COP1: variants seen among roughly 807,000 people sequenced by gnomAD.
COP1 encodes E3 ubiquitin-protein ligase COP1.
Under a neutral mutation model 101.3 loss-of-function variants are expected in COP1, and 24 were observed. The observed-to-expected ratio is 0.24, with a 90% confidence interval of 0.17 to 0.33. The LOEUF (loss-of-function observed/expected upper bound fraction) is 0.33. COP1 is among the 10% of genes least tolerant of loss of function. The pLI is 1.00. For missense variants in COP1, 663 were observed against 906.2 expected (o/e 0.73, Z 3.45); for synonymous variants, 347 against 341.9 (o/e 1.01, Z -0.17).
chr1:175,983,775 A>T (rs892163255), intron 18 of COP1, among the ~76,000 whole-genome samples: 1 of 152,184 alleles, frequency 6.6e-6, no homozygotes, highest in African/African-American at 2.4e-5. Context: ...TCAGATGGAG[A>T]TGAGGAACTT....
At chr1:176,147,405 A>C (rs572520312) in intron 6 of COP1, among the ~76,000 whole-genome samples, 1 of 152,326 alleles carries the variant, frequency 6.6e-6, no homozygotes, top group East Asian at 1.9e-4. Context: ...GCTCCTCAGA[A>C]TTTCTTGTGT....
chr1:176,044,630 A>G (rs1393656342), intron 12 of COP1, among the ~76,000 whole-genome samples: 1 of 152,182 alleles, frequency 6.6e-6, no homozygotes, highest in East Asian at 1.9e-4. Context: ...CAATTAAGAG[A>G]CACATTTTGA....
At chr1:176,099,053 TTGTTA>T (rs1357478079) in intron 9 of COP1, among the ~76,000 whole-genome samples, 2 of 152,192 alleles carry the variant, frequency 1.3e-5, no homozygotes, top group Non-Finnish European at 1.5e-5. Context: ...ATAATTAAGG[TTGTTA>T]TGTTAAGTTA....
At chr1:176,098,982 T>C (rs1231382612) in intron 9 of COP1, among the ~76,000 whole-genome samples, 2 of 152,236 alleles carry the variant, frequency 1.3e-5, no homozygotes, top group Non-Finnish European at 2.9e-5. Flanking sequence ...ACTACTAATA[T>C]ATGTTTCAAA....
intron 11 of COP1, among the ~76,000 whole-genome samples, chr1:176,046,931 A>G (rs1157439650): frequency 6.6e-5 from 10 of 152,012 alleles, no homozygotes; most frequent in Non-Finnish European, 2.9e-5. Flanking sequence ...CACATTCCTC[A>G]TATCACAAAA....
intron 9 of COP1, among the ~76,000 whole-genome samples, chr1:176,092,163 G>GC (rs1197374289): frequency 6.6e-6 from 1 of 152,036 alleles, no homozygotes; most frequent in Non-Finnish European, 1.5e-5. Context: ...CTAGTGTTAT[G>GC]CAAGTAACAC....
chr1:176,094,840 A>G (rs927651889), intron 9 of COP1, among the ~76,000 whole-genome samples: 1 of 152,236 alleles, frequency 6.6e-6, no homozygotes, highest in African/African-American at 2.4e-5. Context: ...AATGCAATTA[A>G]CATGAAAACA....
At chr1:176,135,171 A>ATTCCCAGG in intron 7 of COP1, 85 bp from the exon 8 acceptor site, 3 of 887,860 alleles carry the variant, frequency 3.4e-6, no homozygotes, top group Non-Finnish European at 5.2e-6. Context: ...ATTCCTTTCT[A>ATTCCCAGG]TTCCCAGGTT....
At chr1:176,085,215 A>G (rs1572137817) in intron 10 of COP1, among the ~76,000 whole-genome samples, 2 of 151,632 alleles carry the variant, frequency 1.3e-5, no homozygotes, top group East Asian at 3.9e-4. Context: ...AAATCCCTAC[A>G]CTGATCATTC....
At chr1:175,989,889 C>A (rs941253096) in intron 15 of COP1, among the ~76,000 whole-genome samples, 1 of 152,096 alleles carries the variant, frequency 6.6e-6, no homozygotes, top group Non-Finnish European at 1.5e-5. Context: ...ATTTAACCAG[C>A]AGTTCAACTA....
chr1:176,104,003 G>A (rs1296472694), intron 9 of COP1, among the ~76,000 whole-genome samples: 1 of 152,070 alleles, frequency 6.6e-6, no homozygotes, highest in Non-Finnish European at 1.5e-5. Context: ...CTAAGATAGG[G>A]GAAGAAGAGA....
intron 1 of COP1, among the ~76,000 whole-genome samples, chr1:176,191,983 G>A (rs1302405754): frequency 6.6e-6 from 1 of 152,072 alleles, no homozygotes; most frequent in Admixed American, 6.6e-5. Flanking sequence ...CTATGTGCTA[G>A]CTTCAGGGTC....
At chr1:176,201,916 T>C (rs1442909443) in intron 1 of COP1, among the ~76,000 whole-genome samples, 1 of 152,240 alleles carries the variant, frequency 6.6e-6, no homozygotes, top group African/African-American at 2.4e-5. Flanking sequence ...TATAATAATA[T>C]AATAAATGCT....
intron 15 of COP1, among the ~76,000 whole-genome samples, chr1:176,014,510 G>A (rs910369052): frequency 6.6e-6 from 1 of 152,070 alleles, no homozygotes; most frequent in Admixed American, 6.6e-5. Flanking sequence ...CTGTAATTAC[G>A]ATTTCTTTAA....
intron 15 of COP1, chr1:176,018,352 A>G (rs559462964): frequency 2.0e-5 from 3 of 152,334 alleles, no homozygotes; most frequent in African/African-American, 7.2e-5. Context: ...TCTCAGTTAT[A>G]TTATGTACAT....
chr1:176,201,531 G>T (rs899154102), intron 1 of COP1, among the ~76,000 whole-genome samples: 40 of 151,282 alleles, frequency 2.6e-4, no homozygotes, highest in African/African-American at 8.2e-4. Context: ...ATCAGAAAAG[G>T]TATAAAGATT....
At chr1:176,168,361 A>C (rs941496973) in intron 3 of COP1, among the ~76,000 whole-genome samples, 16 of 151,166 alleles carry the variant, frequency 1.1e-4, no homozygotes, top group African/African-American at 3.9e-4. Context: ...CTGACCTACA[A>C]ATTTTATATA....
chr1:176,059,982 G>GT (rs924212017), intron 11 of COP1, among the ~76,000 whole-genome samples: 1 of 151,990 alleles, frequency 6.6e-6, no homozygotes, highest in Non-Finnish European at 1.5e-5. Context: ...ACCTTAAACT[G>GT]TTTTTTTAAT....
At chr1:176,093,624 G>A (rs1333856904) in intron 9 of COP1, among the ~76,000 whole-genome samples, 3 of 152,096 alleles carry the variant, frequency 2.0e-5, no homozygotes, top group Admixed American at 6.6e-5. Context: ...CAGATCACGA[G>A]GTCAGGAGAT....
Sources: gnomAD v4.1 joint callset for allele counts (sites outside exome capture counted in the v4.1 genomes callset) on GRCh38, gnomAD v4.1.1 for gene constraint, MANE v1.5 for transcripts, NCBI Gene and HGNC (gene_info 2026-07-23, HGNC 2026-07-21) for gene names.